Variants in N4BP2L2 observed in about 807,000 individuals in gnomAD.
N4BP2L2 encodes NEDD4 binding protein 2 like 2.
In N4BP2L2, 50 loss-of-function variants were observed where a neutral mutation model predicts 56.2. The observed-to-expected ratio is 0.89, with a 90% CI of 0.71 to 1.13. The LOEUF is 1.13. N4BP2L2 is among the 50% of genes most tolerant of loss of function. N4BP2L2 has a pLI of 0.00. For synonymous variants in N4BP2L2, 203 were observed against 223.6 expected, an observed-to-expected ratio of 0.91 and a Z score of 0.82; for missense variants, 689 against 693.8, an observed-to-expected ratio of 0.99 and a Z score of 0.08.
exon 2 of N4BP2L2, chr13:32,536,573 C>G (rs867860156): frequency 6.2e-7 from 1 of 1,613,740 alleles, no homozygotes; most frequent in Admixed American, 1.7e-5. Context: ...TTGTCCTCCT[C>G]TGTCATTTAT....
At chr13:32,435,864 C>T (rs1404959146) in intron 9 of N4BP2L2, among the ~76,000 whole-genome samples, 1 of 152,110 alleles carries the variant, frequency 6.6e-6, no homozygotes, top group African/African-American at 2.4e-5. Context: ...GCACTGAAAT[C>T]GTAGCAGCTG....
chr13:32,465,008 C>T (rs979298506), intron 6 of N4BP2L2, among the ~76,000 whole-genome samples: 17 of 151,634 alleles, frequency 1.1e-4, no homozygotes, highest in African/African-American at 3.2e-4. Context: ...GTTTTTTCAC[C>T]GAGGATGGAG....
At chr13:32,440,851 CT>C (rs34532527) in intron 7 of N4BP2L2, among the ~76,000 whole-genome samples, 321 of 134,542 alleles carry the variant, frequency 2.4e-3, no homozygotes, top group Middle Eastern at 4.0e-3. Context: ...AAATAACAAT[CT>C]TTTTTTTTTT....
At chr13:32,530,438 T>C (rs1196693366) in intron 2 of N4BP2L2, among the ~76,000 whole-genome samples, 1 of 152,176 alleles carries the variant, frequency 6.6e-6, no homozygotes, top group Non-Finnish European at 1.5e-5. Context: ...ATTCTTAGAC[T>C]GTCAGAACTC....
rs537255626 is a variant in N4BP2L2 at position 32,440,477 on chromosome 13, T to A, written c.2105-1740A>T. On this transcript the variant is annotated intron_variant, in intron 7 of 9. Transcript: ENST00000357505. The stretch of plus-strand genomic sequence containing the variant: ...TATATGCTTATGATTTAAGACAAAA[T>A]TTTTTTTTTGAAAGAGTCTTACTCT... Among the ~76,000 whole-genome samples the A allele has an allele frequency of 7.3e-4, 111 of 151,124 alleles. 1 individual carries two copies. Among genetic ancestry groups the A allele is most frequent in the African/African-American group, 2.6e-3 (107 of 41,234 alleles).
At chr13:32,509,781 A>G (rs929336907), downstream of N4BP2L2, among the ~76,000 whole-genome samples, 2 of 152,220 alleles carry the variant, frequency 1.3e-5, no homozygotes, top group East Asian at 1.9e-4. Flanking sequence ...TCATAAAACC[A>G]ATGACATTTC....
chr13:32,532,538 T>C (rs141559817), intron 2 of N4BP2L2, among the ~76,000 whole-genome samples: 10 of 152,060 alleles, frequency 6.6e-5, no homozygotes, highest in African/African-American at 2.2e-4. Context: ...TTTCATCAAA[T>C]ATTAAATTCT....
At chr13:32,455,667 T>C (rs2081105527) in intron 6 of N4BP2L2, among the ~76,000 whole-genome samples, 1 of 152,166 alleles carries the variant, frequency 6.6e-6, no homozygotes, top group African/African-American at 2.4e-5. Flanking sequence ...TGCCTCAGCA[T>C]ACTACTGGCA....
At chr13:32,516,212 CCAA>C (rs1398197450) in exon 6 of N4BP2L2, 1 of 152,030 alleles carries the variant, frequency 6.6e-6, no homozygotes, top group African/African-American at 2.4e-5. Flanking sequence ...AGTCCAAACA[CCAA>C]CAAGTATTAC....
At chr13:32,511,543 T>C (rs905316180) in exon 6 of N4BP2L2, 1 of 152,188 alleles carries the variant, frequency 6.6e-6, no homozygotes, top group South Asian at 2.1e-4. Context: ...TTTTTATAAA[T>C]CTTTCCAGCC....
At chr13:32,441,343 A>G (rs1053205587) in intron 7 of N4BP2L2, among the ~76,000 whole-genome samples, 17 of 152,150 alleles carry the variant, frequency 1.1e-4, no homozygotes, top group Non-Finnish European at 2.5e-4. Context: ...ATAATAGTGA[A>G]TGAGAAAGGA....
At chr13:32,461,216 G>A (rs900455253) in intron 6 of N4BP2L2, among the ~76,000 whole-genome samples, 1 of 152,166 alleles carries the variant, frequency 6.6e-6, no homozygotes, top group Non-Finnish European at 1.5e-5. Flanking sequence ...AAGAATTTAT[G>A]GCTAAGACCT....
intron 7 of N4BP2L2, among the ~76,000 whole-genome samples, chr13:32,441,557 GC>G (rs2076333132): frequency 6.6e-6 from 1 of 151,720 alleles, no homozygotes; most frequent in Non-Finnish European, 1.5e-5. Context: ...GGTGGCGGAT[GC>G]CTGTAATCCC....
intron 6 of N4BP2L2, among the ~76,000 whole-genome samples, chr13:32,445,306 C>T (rs2076890047): frequency 1.3e-5 from 2 of 152,062 alleles, no homozygotes; most frequent in Non-Finnish European, 1.5e-5. Context: ...AGAAAAGGTA[C>T]ATAAACATAT....
chr13:32,538,802 C>T, upstream of N4BP2L2: 10 of 985,456 alleles, frequency 1.0e-5, no homozygotes, highest in Non-Finnish European at 1.2e-5. Flanking sequence ...TGGCGGTCAC[C>T]TCTCGGTTAC....
At chr13:32,534,958 A>G (rs960640163) in intron 2 of N4BP2L2, among the ~76,000 whole-genome samples, 2 of 152,244 alleles carry the variant, frequency 1.3e-5, no homozygotes, top group African/African-American at 4.8e-5. Context: ...AATTTGAAAT[A>G]TCTTGTAATA....
chr13:32,500,928 G>A (rs1376451290), intron 6 of N4BP2L2, among the ~76,000 whole-genome samples: 1 of 149,964 alleles, frequency 6.7e-6, no homozygotes, highest in Non-Finnish European at 1.5e-5. Flanking sequence ...GAGTTCAATG[G>A]CATGATCTTG....
At chr13:32,488,788 A>G (rs1302203624) in intron 6 of N4BP2L2, among the ~76,000 whole-genome samples, 1 of 152,222 alleles carries the variant, frequency 6.6e-6, no homozygotes, top group Admixed American at 6.5e-5. Flanking sequence ...ATGCACTCCA[A>G]ATATTTTCTT....
chr13:32,464,443 G>A (rs1280620418), intron 6 of N4BP2L2, among the ~76,000 whole-genome samples: 4 of 152,178 alleles, frequency 2.6e-5, no homozygotes, highest in African/African-American at 9.7e-5. Context: ...TGTTGCAACA[G>A]ACAAGTGAAG....
Sources: gnomAD v4.1 joint callset for allele counts (sites outside exome capture counted in the v4.1 genomes callset) on GRCh38, gnomAD v4.1.1 for gene constraint, MANE v1.5 for transcripts, NCBI Gene and HGNC (gene_info 2026-07-23, HGNC 2026-07-21) for gene names.